Variants in CNIH4 observed in about 807,000 individuals in gnomAD.
CNIH4 encodes cornichon family member 4, also known as protein cornichon homolog 4.
CNIH4 carries 9 observed loss-of-function variants against 21.5 expected under a neutral mutation model. That is an observed-to-expected ratio of 0.42 (90% CI 0.25 to 0.73). The LOEUF (loss-of-function observed/expected upper bound fraction) is 0.73. CNIH4 is among the 30% of genes least tolerant of loss of function. CNIH4 has a pLI of 0.27. For missense variants in CNIH4, 159 were observed against 170.0 expected (o/e 0.94, Z 0.36); for synonymous variants, 67 against 59.1 (o/e 1.13, Z -0.61).
intron 4 of CNIH4, among the ~76,000 whole-genome samples, chr1:224,375,578 G>T (rs1278385686): frequency 6.6e-6 from 1 of 151,734 alleles, no homozygotes; most frequent in Non-Finnish European, 1.5e-5. Flanking sequence ...GTTTTAAGTT[G>T]TACTTCCCCC....
rs1031359654 is a variant in CNIH4 at position 224,378,469 on chromosome 1, G to C, written c.*2647G>C. On this transcript the variant is annotated 3_prime_UTR_variant, in exon 5 of 5. Coordinates refer to ENST00000465271, the MANE Select transcript of CNIH4 (RefSeq NM_014184.4). ...CCTTTTCATTGATTGGAGAGTTGTA[G>C]AGGACCTTAGAGATCATTTTGTCTA... 6.5e-6 allele frequency: 1 copy of C among 152,690 alleles called. No individual in the cohort carries two copies. Among genetic ancestry groups the C allele is most frequent in the African/African-American group, 2.4e-5 (1 of 41,452 alleles). 9.5% of individuals were successfully genotyped at this position (152,690 alleles called of 1,614,324 possible). A position where few individuals can be genotyped will look rare whatever the true frequency, so the allele number is the denominator to read the frequency against.
rs149953240 is a variant in CNIH4, at chr1:224,369,932, C to T, written c.252-1351C>T. 9.3e-3 allele frequency among the ~76,000 whole-genome samples: 1,415 copies of T among 152,170 alleles called. 17 individuals carry two copies. Among genetic ancestry groups the T allele is most frequent in the African/African-American group, 0.032 (1,340 of 41,508 alleles). ...CAGGCAATCCTCCCGCCTCGGCCTC[C>T]TGGAGTGCTGGGATTACAGGTGTGA... On this transcript the variant is annotated intron_variant, in intron 3 of 4. Transcript: ENST00000465271.
At chr1:224,371,515 T>C (rs1036194038) in intron 4 of CNIH4, 92 bp downstream of exon 4, 2 of 1,283,086 alleles carry the variant, frequency 1.6e-6, no homozygotes, top group African/African-American at 1.5e-5. Flanking sequence ...ATTGACATTG[T>C]GGAACTTTCG....
In CNIH4 at chr1:224,376,103, C is replaced by T. The variant is rs1672774375; in HGVS notation, c.*281C>T. 1.7e-6 allele frequency: 2 copies of T among 1,145,310 alleles called. No individual in the cohort carries two copies. The highest frequency in any genetic ancestry group is 4.6e-5 in the Admixed American group (1 of 21,506). 70.9% of individuals were successfully genotyped at this position (1,145,310 alleles called of 1,614,324 possible). A position where few individuals can be genotyped will look rare whatever the true frequency, so the allele number is the denominator to read the frequency against. The stretch of plus-strand genomic sequence containing the variant: ...TGGTTATTTGTATGTAGGAACAGGA[C>T]TGCCATCCCAGCTTTGCATGCCAAA... On this transcript the variant is annotated 3_prime_UTR_variant, in exon 5 of 5. Transcript: ENST00000465271.
intron 3 of CNIH4, among the ~76,000 whole-genome samples, chr1:224,369,391 G>C (rs1672558347): frequency 6.6e-6 from 1 of 152,050 alleles, no homozygotes; most frequent in Admixed American, 6.6e-5. Context: ...TGGCCAACAC[G>C]GGGAGACCCC....
Position 224,376,908 on chromosome 1 carries a change from GCTATCTTAAGCA to G in CNIH4, c.*1089_*1100del, listed in dbSNP as rs1672796879. 5 of 985,414 alleles carry G rather than the reference GCTATCTTAAGCA, an allele frequency of 5.1e-6. No individual in the cohort carries two copies. Among genetic ancestry groups the G allele is most frequent in the Non-Finnish European group, 6.0e-6 (5 of 829,916 alleles). The allele number at this position is 985,414 out of a possible 1,614,324, so 61.0% of individuals were successfully genotyped here. ...CAGTCCTAGTTTGTGGTTTAATGTT[GCTATCTTAAGCA>G]CTGGCATTTGGGCAAAACATGACTG... On this transcript the variant is annotated 3_prime_UTR_variant, in exon 5 of 5. Coordinates refer to ENST00000465271, the MANE Select transcript of CNIH4 (RefSeq NM_014184.4).
Position 224,356,929 on chromosome 1 carries a change from A to G in CNIH4, c.5A>G (p.Glu2Gly). Residue 2 changes from glutamate (E) to glycine (G), a missense_variant, in exon 1 of 5, where the codon GAG becomes GGG. Coordinates refer to ENST00000465271, the MANE Select transcript of CNIH4 (RefSeq NM_014184.4). ...CGGCGGCGACGGAGGAGGAGGATGGAGGCGGTGGTGTTCGTCTTCTCTCTC... is the reference window on the plus strand; with the variant it reads ...CGGCGGCGACGGAGGAGGAGGATGGGGGCGGTGGTGTTCGTCTTCTCTCTC... MEAVVFVFSLLD... is the reference protein window; with the variant it reads MGAVVFVFSLLD... 1 of 1,609,350 alleles carries G rather than the reference A, an allele frequency of 6.2e-7. No individual in the cohort carries two copies. Among genetic ancestry groups the G allele is most frequent in the Non-Finnish European group, 8.5e-7 (1 of 1,177,904 alleles).
At position 224,379,140 on chromosome 1, in the gene CNIH4, G is replaced by T; in HGVS notation, c.*3318G>T. 2 of 1,546,398 alleles carry T rather than the reference G, an allele frequency of 1.3e-6. No homozygotes were observed. The stretch of plus-strand genomic sequence containing the variant: ...AAGAGGAAGCGAAATCCAAGATGCA[G>T]CTCAGTTCATCAAAGCCTAGCAGGT... On this transcript the variant is annotated 3_prime_UTR_variant, in exon 5 of 5. Coordinates refer to ENST00000465271, the MANE Select transcript of CNIH4 (RefSeq NM_014184.4).
intron 1 of CNIH4, 44 bp from the exon 2 acceptor site, chr1:224,360,451 G>T (rs757844278): frequency 4.1e-6 from 4 of 975,536 alleles, no homozygotes; most frequent in Non-Finnish European, 5.9e-6. Flanking sequence ...TAAATACTTA[G>T]TTATTATAAA....
rs777482220 is a variant in CNIH4, at chr1:224,356,883, G to C, written c.-42G>C. 7 of 1,557,696 alleles carry C rather than the reference G, an allele frequency of 4.5e-6. No individual in the cohort carries two copies. Among genetic ancestry groups the C allele is most frequent in the Non-Finnish European group, 6.1e-6 (7 of 1,142,456 alleles). The stretch of plus-strand genomic sequence containing the variant: ...CTATCAGGGGTGGGTCGGGGCATCC[G>C]AGCGGGTTTGACGGAAGGAGCGGCG... On this transcript the variant is annotated 5_prime_UTR_variant, in exon 1 of 5. Transcript: ENST00000465271.
In CNIH4 at chr1:224,379,010, T is replaced by G. The variant is rs1672849843; in HGVS notation, c.*3188T>G. On this transcript the variant is annotated 3_prime_UTR_variant, in exon 5 of 5. Transcript: ENST00000465271. Reference sequence around the variant, plus strand: ...CGGTCCATAGACTACTATCGAGTGCTCCTATGTGCATCTTAGTACGTATCA... The same window carrying G: ...CGGTCCATAGACTACTATCGAGTGCGCCTATGTGCATCTTAGTACGTATCA... The G allele has an allele frequency of 6.6e-7, 1 of 1,515,704 alleles. No homozygotes were observed. The highest frequency in any genetic ancestry group is 1.4e-5 in the African/African-American group (1 of 72,360). 93.9% of individuals were successfully genotyped at this position (1,515,704 alleles called of 1,614,324 possible). A position where few individuals can be genotyped will look rare whatever the true frequency, so the allele number is the denominator to read the frequency against.
intron 4 of CNIH4, 127 bp from the exon 5 acceptor site, chr1:224,375,668 T>C (rs1672761252): frequency 1.0e-6 from 1 of 994,978 alleles, no homozygotes; most frequent in African/African-American, 1.6e-5. Context: ...CCTTTGGGTA[T>C]GAATGATTGT....
At chr1:224,370,278 C>T (rs1672585594) in intron 3 of CNIH4, among the ~76,000 whole-genome samples, 1 of 151,924 alleles carries the variant, frequency 6.6e-6, no homozygotes, top group African/African-American at 2.4e-5. Flanking sequence ...GAGATGTTAT[C>T]TGGATATTCA....
chr1:224,368,960 T>G (rs915526943), intron 3 of CNIH4, among the ~76,000 whole-genome samples: 2 of 151,976 alleles, frequency 1.3e-5, no homozygotes, highest in African/African-American at 4.8e-5. Flanking sequence ...TCTTTGATAT[T>G]TTTTTCCTGC....
rs564857606 is a variant in CNIH4, at chr1:224,377,156, A to G, written c.*1334A>G. The G allele has an allele frequency of 2.2e-4, 34 of 154,206 alleles. 1 individual carries two copies. The South Asian group carries it at 6.6e-3, about 30-fold the overall frequency. The allele number at this position is 154,206 out of a possible 1,614,324, so 9.6% of individuals were successfully genotyped here. On this transcript the variant is annotated 3_prime_UTR_variant, in exon 5 of 5. Transcript: ENST00000465271. ...AGGCTGGAAGTAGTGCCCTGGCAAC[A>G]CACAAAAGGAACGGTGAAATGGTAG...
rs1162935997 is a variant in CNIH4, at chr1:224,377,375, C to T, written c.*1553C>T. The T allele has an allele frequency of 6.6e-6, 1 of 152,256 alleles. No homozygotes were observed. The highest frequency in any genetic ancestry group is 1.9e-4 in the East Asian group (1 of 5,204). The allele number at this position is 152,256 out of a possible 1,614,324, so 9.4% of individuals were successfully genotyped here. On this transcript the variant is annotated 3_prime_UTR_variant, in exon 5 of 5. Transcript: ENST00000465271. Reference sequence around the variant, plus strand: ...CAGTCCCTTCACTCTGCCTTTCCTCCTAACTTCCTGTGCCTCTTCATGTTC... The same window carrying T: ...CAGTCCCTTCACTCTGCCTTTCCTCTTAACTTCCTGTGCCTCTTCATGTTC...
At position 224,378,885 on chromosome 1, in the gene CNIH4, G is replaced by T. The variant is rs926552081; in HGVS notation, c.*3063G>T. ...CTGAGGCCTAGAGATCGTTCAGGGT[G>T]TTGTAACTGGGAACATCTGAATGCT... On this transcript the variant is annotated 3_prime_UTR_variant, in exon 5 of 5. Transcript: ENST00000465271. 1.7e-5 allele frequency: 10 copies of T among 578,482 alleles called. No homozygotes were observed. The highest frequency in any genetic ancestry group is 1.2e-4 in the Admixed American group (4 of 34,228). The allele number at this position is 578,482 out of a possible 1,614,324, so 35.8% of individuals were successfully genotyped here.
intron 2 of CNIH4, among the ~76,000 whole-genome samples, chr1:224,362,580 C>T (rs1417570922): frequency 2.6e-5 from 4 of 151,120 alleles, no homozygotes; most frequent in South Asian, 2.1e-4. Context: ...AGCTCTACCT[C>T]CCCGGTTCAC....
intron 1 of CNIH4, among the ~76,000 whole-genome samples, chr1:224,360,213 C>A (rs1175061979): frequency 6.9e-6 from 1 of 145,632 alleles, no homozygotes; most frequent in African/African-American, 2.8e-5. Context: ...GGATATTTCC[C>A]ATTTTTTTTT....
Sources: allele counts gnomAD v4.1 joint callset (sites outside exome capture counted in the v4.1 genomes callset), GRCh38; gene constraint gnomAD v4.1.1; transcripts MANE v1.5; gene names NCBI Gene and HGNC (gene_info 2026-07-23, HGNC 2026-07-21).